SH3GL1: variants seen among roughly 807,000 people sequenced by gnomAD.
SH3GL1 encodes SH3 domain containing GRB2 like 1, endophilin A2, also known as endophilin-A2.
Under a neutral mutation model 48.8 loss-of-function variants are expected in SH3GL1, and 21 were observed. The ratio of observed to expected loss-of-function variants is 0.43; its 90% CI spans 0.30 to 0.62. The LOEUF (loss-of-function observed/expected upper bound fraction) is 0.62. Ranked by LOEUF, SH3GL1 falls within the 20% of genes least tolerant of loss-of-function variation. SH3GL1 has a pLI of 0.11. For synonymous variants in SH3GL1, 282 were observed against 217.5 expected, an observed-to-expected ratio of 1.30 and a Z score of -2.61; for missense variants, 454 against 503.0, an observed-to-expected ratio of 0.90 and a Z score of 0.93.
chr19:4,365,670 T>G (rs1296082319), intron 3 of SH3GL1, 45 bp from the exon 4 acceptor site: 5 of 1,610,174 alleles, frequency 3.1e-6, no homozygotes, highest in Non-Finnish European at 4.2e-6. Context: ...AGGCCTGCAC[T>G]CCTCTGCCCT....
intron 1 of SH3GL1, among the ~76,000 whole-genome samples, chr19:4,394,156 C>T (rs945191569): frequency 1.3e-5 from 2 of 150,278 alleles, no homozygotes; most frequent in African/African-American, 4.9e-5. Flanking sequence ...AGCCAGCATT[C>T]CAGGCAGCTG....
chr19:4,366,683 C>T, intron 2 of SH3GL1, 110 bp from the exon 3 acceptor site: 1 of 1,072,620 alleles, frequency 9.3e-7, no homozygotes, highest in Non-Finnish European at 1.4e-6. Context: ...CAGGACCCCC[C>T]AACCCCCTCT....
At chr19:4,384,548 C>T (rs1973199889) in intron 1 of SH3GL1, among the ~76,000 whole-genome samples, 1 of 152,130 alleles carries the variant, frequency 6.6e-6, no homozygotes, top group African/African-American at 2.4e-5. Context: ...AGTGGCTATT[C>T]ATGGGCATAG....
intron 5 of SH3GL1, 32 bp from the exon 6 acceptor site, chr19:4,363,910 T>C (rs1338523049): frequency 9.9e-6 from 16 of 1,611,458 alleles, no homozygotes; most frequent in Non-Finnish European, 1.4e-5. Context: ...GTCACACCAG[T>C]AGCGGCCAGA....
chr19:4,381,753 C>T (rs1599610557), intron 1 of SH3GL1, among the ~76,000 whole-genome samples: 3 of 128,534 alleles, frequency 2.3e-5, no homozygotes, highest in Non-Finnish European at 4.7e-5. Flanking sequence ...AGTGCAGTGG[C>T]GCGATCTTGG....
intron 1 of SH3GL1, among the ~76,000 whole-genome samples, chr19:4,378,730 A>C (rs1351936828): frequency 2.0e-5 from 3 of 152,084 alleles, no homozygotes; most frequent in Non-Finnish European, 2.9e-5. Context: ...TAAAAATAAA[A>C]AAAACAGAAA....
At position 4,400,423 on chromosome 19, in the gene SH3GL1, G is replaced by A. The variant is rs1454606417; in HGVS notation, c.-55C>T. 8 of 1,500,366 alleles carry A rather than the reference G, an allele frequency of 5.3e-6. No individual in the cohort carries two copies. The African/African-American group carries it at 8.7e-5, about 16-fold the overall frequency. 92.9% of individuals were successfully genotyped at this position (1,500,366 alleles called of 1,614,324 possible). ...GGACCGCGCCAGCGACAGGCTCCCG[G>A]GCGCCGCCGACCCTCTGCGCGCCTC... On this transcript the variant is annotated 5_prime_UTR_variant, in exon 1 of 10. Transcript: ENST00000269886. This position sits in a 1 kb window ranked among gnomAD's most constrained non-coding sequence, Gnocchi z 4.1.
Position 4,363,410 on chromosome 19 carries a change from C to A in SH3GL1, c.688G>T (p.Val230Leu). The A allele has an allele frequency of 6.2e-7, 1 of 1,611,670 alleles. No homozygotes were observed. Among genetic ancestry groups the A allele is most frequent in the African/African-American group, 1.3e-5 (1 of 75,022 alleles). The part of the protein sequence containing the change: ...DAQLDYHRQA[V>L]QILDELAEKL... ...TCCGCCAGCTCGTCCAGGATCTGCACGGCCTGCCGGTGGTAGTCCAGCTGT... is the reference window on the plus strand; with the variant it reads ...TCCGCCAGCTCGTCCAGGATCTGCAAGGCCTGCCGGTGGTAGTCCAGCTGT... The change falls in exon 7 of 10, where the codon GTG (valine) becomes TTG (leucine). Residue 230 changes from valine to leucine, a missense_variant. Around this residue, in one of 2 missense-constraint regions of SH3GL1, gnomAD observed 278 missense variants for 246.8 expected, o/e 1.13. Coordinates refer to ENST00000269886, the MANE Select transcript of SH3GL1 (RefSeq NM_003025.4).
In SH3GL1 at chr19:4,363,650, CCCTT is replaced by C. The variant is rs541580529; in HGVS notation, c.624+66_624+69del. Reference sequence around the variant, plus strand: ...GTAGGTGCCGATCTGTCCTCCAGCTCCCTTGAGGCACCACCCCGGCCTCCCAAGG... The same window carrying C: ...GTAGGTGCCGATCTGTCCTCCAGCTCGAGGCACCACCCCGGCCTCCCAAGG... On this transcript the variant is annotated intron_variant, in intron 6 of 9. Transcript: ENST00000269886. 96 of 1,588,714 alleles carry C rather than the reference CCCTT, an allele frequency of 6.0e-5. No homozygotes were observed. The African/African-American group carries it at 9.3e-4, about 15-fold the overall frequency.
chr19:4,400,528 G>T lies in SH3GL1; in HGVS notation c.-160C>A, dbSNP rs1370803379. 4 of 417,324 alleles carry T rather than the reference G, an allele frequency of 9.6e-6. No homozygotes were observed. Among genetic ancestry groups the T allele is most frequent in the Non-Finnish European group, 9.7e-6 (3 of 309,072 alleles). 25.9% of individuals were successfully genotyped at this position (417,324 alleles called of 1,614,324 possible). ...CCGGCGCCGCCTCAGCCGCTCGCGC[G>T]CCCGCGCGGCCAGGATATTACATGG... is the stretch of plus-strand genomic sequence containing the variant. On this transcript the variant is annotated 5_prime_UTR_variant, in exon 1 of 10. Transcript: ENST00000269886. This position sits in a 1 kb window ranked among gnomAD's most constrained non-coding sequence, Gnocchi z 4.1.
rs1483989140 is a variant in SH3GL1, at chr19:4,361,497, G to A, written c.*103C>T. 2 of 914,688 alleles carry A rather than the reference G, an allele frequency of 2.2e-6. No homozygotes were observed. The highest frequency in any genetic ancestry group is 3.3e-6 in the Non-Finnish European group (2 of 603,072). 56.7% of individuals were successfully genotyped at this position (914,688 alleles called of 1,614,324 possible). ...GCCGGGGCCCAGGTGGCGCCGGCAG[G>A]CTCAGACACCGCCCTGGCAGCAGGG... On this transcript the variant is annotated 3_prime_UTR_variant, in exon 10 of 10. Transcript: ENST00000269886.
Position 4,367,108 on chromosome 19 carries a change from CA to C in SH3GL1, c.46-115del, listed in dbSNP as rs2144869264. 1 of 843,904 alleles carries C rather than the reference CA, an allele frequency of 1.2e-6. No individual in the cohort carries two copies. The highest frequency in any genetic ancestry group is 3.1e-5 in the East Asian group (1 of 32,198). The allele number at this position is 843,904 out of a possible 1,614,324, so 52.3% of individuals were successfully genotyped here. On this transcript the variant is annotated intron_variant, in intron 1 of 9. Transcript: ENST00000269886. This position sits in a 1 kb window ranked among gnomAD's most constrained non-coding sequence, Gnocchi z 4.2. The stretch of plus-strand genomic sequence containing the variant: ...GCATCCACAGCTGGAGGCAGGAGGC[CA>C]AGTGATCAGGACACACACCTCAGGC...
At chr19:4,364,366 C>T (rs1972713921) in intron 4 of SH3GL1, 145 bp from the exon 5 acceptor site, 1 of 1,045,098 alleles carries the variant, frequency 9.6e-7, no homozygotes, top group South Asian at 1.5e-5. Flanking sequence ...TCAAACTGGG[C>T]TCAAGCCATG....
intron 1 of SH3GL1, among the ~76,000 whole-genome samples, chr19:4,399,874 G>C (rs1973491079): frequency 6.6e-6 from 1 of 152,232 alleles, no homozygotes; most frequent in South Asian, 2.1e-4. Context: ...AGGGGAAACT[G>C]ACTTCTTCCT....
chr19:4,365,764 T>G lies in SH3GL1; in HGVS notation c.188-139A>C. On this transcript the variant is annotated intron_variant, in intron 3 of 9. Transcript: ENST00000269886. ...CTAGGCCACACAAAGCACAGTGGAATCCCCAGAGGGTCCCTTCCCTGCTCC... is the reference window on the plus strand; with the variant it reads ...CTAGGCCACACAAAGCACAGTGGAAGCCCCAGAGGGTCCCTTCCCTGCTCC... 9 of 1,241,310 alleles carry G rather than the reference T, an allele frequency of 7.3e-6. No individual in the cohort carries two copies. In the South Asian group the frequency reaches 1.1e-4, roughly 15 times the overall value. 76.9% of individuals were successfully genotyped at this position (1,241,310 alleles called of 1,614,324 possible).
At chr19:4,388,219 A>T (rs563255966) in intron 1 of SH3GL1, among the ~76,000 whole-genome samples, 9 of 152,320 alleles carry the variant, frequency 5.9e-5, no homozygotes, top group African/African-American at 2.2e-4. Flanking sequence ...AATACATTTT[A>T]AAAGTGATAA....
At chr19:4,388,353 G>C (rs1259459834) in intron 1 of SH3GL1, among the ~76,000 whole-genome samples, 1 of 152,184 alleles carries the variant, frequency 6.6e-6, no homozygotes, top group Non-Finnish European at 1.5e-5. Context: ...TGTGGTCTGC[G>C]AGTCGTGGGA....
intron 1 of SH3GL1, among the ~76,000 whole-genome samples, chr19:4,397,544 T>C (rs891905638): frequency 1.1e-4 from 16 of 152,126 alleles, no homozygotes; most frequent in African/African-American, 3.6e-4. Context: ...GAGACCTGTC[T>C]ATAGCAGGGA....
chr19:4,382,358 C>T (rs551830230), intron 1 of SH3GL1, among the ~76,000 whole-genome samples: 2 of 149,270 alleles, frequency 1.3e-5, no homozygotes, highest in African/African-American at 2.5e-5. Flanking sequence ...CCCGGGTTCA[C>T]GCCATTCTCC....
Sources: allele counts gnomAD v4.1 joint callset (sites outside exome capture counted in the v4.1 genomes callset), GRCh38; gene constraint gnomAD v4.1.1; regional missense constraint gnomAD v4.1.1; non-coding constraint Gnocchi (gnomAD v3.1); transcripts MANE v1.5; gene names NCBI Gene and HGNC (gene_info 2026-07-23, HGNC 2026-07-21).